Variants in GASK1B observed in about 807,000 individuals in gnomAD.
GASK1B encodes the protein golgi associated kinase 1B.
Under a neutral mutation model 42.8 loss-of-function variants are expected in GASK1B, and 34 were observed. That is an observed-to-expected ratio of 0.79 (90% CI 0.60 to 1.06). GASK1B has a LOEUF of 1.06. Among genes scored for constraint, GASK1B ranks in the 50% least tolerant of loss-of-function variants. GASK1B has a pLI of 0.00. For missense variants in GASK1B, 686 were observed against 661.0 expected (o/e 1.04, Z -0.42); for synonymous variants, 262 against 259.1 (o/e 1.01, Z -0.11).
At chr4:158,137,812 A>C (rs7671501) in intron 3 of GASK1B, among the ~76,000 whole-genome samples, 133,898 of 152,124 alleles carry the variant, frequency 0.88, 60,170 homozygotes, top group East Asian at 0.98. Context: ...TGCCATGACA[A>C]CAGGTGCCTG....
chr4:158,170,736 A>AGG lies in GASK1B; in HGVS notation c.638_639dup (p.Ser214ProfsTer4). On this transcript the variant is annotated frameshift_variant, in exon 2 of 5. Transcript: ENST00000585682. LOFTEE classifies it high-confidence loss of function. ...CGGATGTCATCTTTGCTCAGCCAGG[A>AGG]GGGGGCGCTCTCGCTGTAGATCCTA... 6.2e-7 allele frequency: 1 copy of AGG among 1,614,214 alleles called. No individual in the cohort carries two copies. The highest frequency in any genetic ancestry group is 8.5e-7 in the Non-Finnish European group (1 of 1,180,050).
At chr4:158,163,869 C>G (rs572006647) in intron 2 of GASK1B, among the ~76,000 whole-genome samples, 1 of 152,266 alleles carries the variant, frequency 6.6e-6, no homozygotes, top group East Asian at 1.9e-4. Context: ...TCCCTAGTAT[C>G]CGGGGCAGTG....
chr4:158,127,376 T>C lies in GASK1B; in HGVS notation c.*31A>G, dbSNP rs1410798491. ...AAACAAAACCAAAAATGCATAAATATATCTAACACCCTAGCCAGAAGATTC... is the reference window on the plus strand; with the variant it reads ...AAACAAAACCAAAAATGCATAAATACATCTAACACCCTAGCCAGAAGATTC... On this transcript the variant is annotated 3_prime_UTR_variant, in exon 5 of 5. Transcript: ENST00000585682. 5 of 1,583,218 alleles carry C rather than the reference T, an allele frequency of 3.2e-6. No homozygotes were observed. Among genetic ancestry groups the C allele is most frequent in the East Asian group, 2.2e-5 (1 of 44,630 alleles).
chr4:158,137,335 T>C (rs542409634), intron 3 of GASK1B, among the ~76,000 whole-genome samples: 5 of 152,206 alleles, frequency 3.3e-5, no homozygotes, highest in Non-Finnish European at 7.3e-5. Context: ...AGTTACCTCA[T>C]TGGATATCTC....
intron 3 of GASK1B, among the ~76,000 whole-genome samples, chr4:158,136,242 C>G (rs565604748): frequency 3.3e-5 from 5 of 152,046 alleles, no homozygotes; most frequent in Non-Finnish European, 7.4e-5. Flanking sequence ...GTATTGTTAG[C>G]TAGGTGCAGT....
Position 158,125,606 on chromosome 4 carries a change from C to T in GASK1B, c.*1801G>A, listed in dbSNP as rs527401721. 2 of 151,946 alleles carry T rather than the reference C, an allele frequency of 1.3e-5. No individual in the cohort carries two copies. The highest frequency in any genetic ancestry group is 6.6e-5 in the Admixed American group (1 of 15,234). The allele number at this position is 151,946 out of a possible 1,614,324, so 9.4% of individuals were successfully genotyped here. On this transcript the variant is annotated 3_prime_UTR_variant, in exon 5 of 5. Transcript: ENST00000585682. Reference sequence around the variant, plus strand: ...AAAAGGATCTTAAAAATCCCAGAGACAGTGAGTAAAAGTGGAGACTCAAAA... The same window carrying T: ...AAAAGGATCTTAAAAATCCCAGAGATAGTGAGTAAAAGTGGAGACTCAAAA...
chr4:158,131,261 C>T (rs562948390), intron 3 of GASK1B, among the ~76,000 whole-genome samples: 2 of 152,188 alleles, frequency 1.3e-5, no homozygotes, highest in Non-Finnish European at 2.9e-5. Flanking sequence ...TAGGCATCTC[C>T]ACCCTAAATA....
chr4:158,165,510 T>C (rs1447368497), intron 2 of GASK1B, among the ~76,000 whole-genome samples: 1 of 152,122 alleles, frequency 6.6e-6, no homozygotes, highest in Non-Finnish European at 1.5e-5. Context: ...CACCTTGGTT[T>C]GCATTAAAAA....
intron 2 of GASK1B, chr4:158,169,748 A>T (rs761602922): frequency 6.2e-6 from 1 of 160,020 alleles, no homozygotes; most frequent in Non-Finnish European, 1.4e-5. Context: ...ACCGCAGACC[A>T]GTCCTTTTGC....
At chr4:158,167,947 C>T (rs1246115673) in intron 2 of GASK1B, among the ~76,000 whole-genome samples, 4 of 152,144 alleles carry the variant, frequency 2.6e-5, no homozygotes, top group African/African-American at 9.7e-5. Context: ...GGTAGAGATA[C>T]TGAGAACCTA....
intron 3 of GASK1B, among the ~76,000 whole-genome samples, chr4:158,139,209 T>C (rs1422242557): frequency 3.3e-5 from 5 of 152,238 alleles, no homozygotes. Flanking sequence ...ACAAAGTTCT[T>C]GCTTTCATGA....
chr4:158,133,916 T>TGC lies in GASK1B; in HGVS notation c.1126-2906_1126-2905dup, dbSNP rs1553958083. 4.6e-3 allele frequency among the ~76,000 whole-genome samples: 689 copies of TGC among 149,746 alleles called. 27 individuals carry two copies. Among genetic ancestry groups the TGC allele is most frequent in the African/African-American group, 0.016 (654 of 40,920 alleles). Reference sequence around the variant, plus strand: ...GCATATGTGTGTGTGTGTGTGTGTGTGCGCGTGCACGAACACTGTGTGTAC... The same window carrying TGC: ...GCATATGTGTGTGTGTGTGTGTGTGTGCGCGCGTGCACGAACACTGTGTGTAC... On this transcript the variant is annotated intron_variant, in intron 3 of 4. Transcript: ENST00000585682.
At chr4:158,156,798 C>T (rs1457049612) in intron 2 of GASK1B, among the ~76,000 whole-genome samples, 1 of 152,028 alleles carries the variant, frequency 6.6e-6, no homozygotes, top group East Asian at 1.9e-4. Flanking sequence ...TACAAAGATC[C>T]AATAAAGCCC....
chr4:158,153,580 C>T (rs945706497), intron 3 of GASK1B, among the ~76,000 whole-genome samples: 1 of 151,982 alleles, frequency 6.6e-6, no homozygotes, highest in African/African-American at 2.4e-5. Flanking sequence ...AAATCTGGAG[C>T]CATCACATTA....
At chr4:158,130,490 C>A (rs1225959650) in intron 4 of GASK1B, among the ~76,000 whole-genome samples, 4 of 152,188 alleles carry the variant, frequency 2.6e-5, no homozygotes, top group Non-Finnish European at 4.4e-5. Flanking sequence ...GAGGTCCCTG[C>A]ATTCTTCCAA....
At chr4:158,127,937 C>T (rs985027900) in intron 4 of GASK1B, among the ~76,000 whole-genome samples, 1 of 152,098 alleles carries the variant, frequency 6.6e-6, no homozygotes, top group Non-Finnish European at 1.5e-5. Context: ...TAGTCTTAGG[C>T]TCATTTCACC....
chr4:158,171,795 C>A (rs996450478), intron 1 of GASK1B, among the ~76,000 whole-genome samples, 196 bp from the exon 2 acceptor site: 5 of 151,968 alleles, frequency 3.3e-5, no homozygotes, highest in Non-Finnish European at 5.9e-5. Flanking sequence ...TGAAAACAAG[C>A]CACAAAAATC....
chr4:158,148,748 T>C (rs1244850912), intron 3 of GASK1B, among the ~76,000 whole-genome samples: 1 of 152,116 alleles, frequency 6.6e-6, no homozygotes, highest in African/African-American at 2.4e-5. Flanking sequence ...AGATTTGAAA[T>C]ATTTATTTTT....
At chr4:158,142,481 G>A (rs944372848) in intron 3 of GASK1B, among the ~76,000 whole-genome samples, 14 of 152,148 alleles carry the variant, frequency 9.2e-5, no homozygotes, top group African/African-American at 3.4e-4. Context: ...TTTATTAAAA[G>A]CAATGCTATT....
Sources: gnomAD v4.1 joint callset for allele counts (sites outside exome capture counted in the v4.1 genomes callset) on GRCh38, gnomAD v4.1.1 for gene constraint, MANE v1.5 for transcripts, NCBI Gene and HGNC (gene_info 2026-07-23, HGNC 2026-07-21) for gene names.